EIF2S3B: variants seen among roughly 807,000 people sequenced by gnomAD.
The protein encoded by EIF2S3B is eukaryotic translation initiation factor 2 subunit 3B.
In EIF2S3B, 16 loss-of-function variants were observed where a neutral mutation model predicts 26.4. That is an observed-to-expected ratio of 0.61 (90% CI 0.41 to 0.92). The LOEUF (loss-of-function observed/expected upper bound fraction) is 0.92. Ranked by LOEUF, EIF2S3B falls within the 40% of genes least tolerant of loss-of-function variation. EIF2S3B has a pLI of 0.00. For missense variants in EIF2S3B, 510 were observed against 575.5 expected, an observed-to-expected ratio of 0.89 and a Z score of 1.16; for synonymous variants, 183 against 204.4, an observed-to-expected ratio of 0.90 and a Z score of 0.89.
chr12:10,517,313 T>C lies in EIF2S3B; in HGVS notation c.1309-5290T>C, dbSNP rs1864767661. On this transcript the variant is annotated intron_variant, in intron 1 of 1. Transcript: ENST00000322446. ...AGCCTGTTATTGGTCTATTCAGAGATTCAACTTCTTCCTGGTTTAGTCTTG... is the reference window on the plus strand; with the variant it reads ...AGCCTGTTATTGGTCTATTCAGAGACTCAACTTCTTCCTGGTTTAGTCTTG... Among the ~76,000 whole-genome samples the C allele has an allele frequency of 2.0e-5, 3 of 151,994 alleles. No individual in the cohort carries two copies. The South Asian group carries it at 6.2e-4, about 32-fold the overall frequency.
At chr12:10,522,731 G>T (rs1459617880) in exon 2 of EIF2S3B, 2 of 682,138 alleles carry the variant, frequency 2.9e-6, no homozygotes, top group East Asian at 2.7e-5. Context: ...AAAGACAAAA[G>T]AAAACATGAT....
chr12:10,521,919 C>T (rs1198058335), intron 1 of EIF2S3B, among the ~76,000 whole-genome samples: 2 of 152,146 alleles, frequency 1.3e-5, no homozygotes, highest in Non-Finnish European at 2.9e-5. Flanking sequence ...CCTTGGTATG[C>T]CACAAATTAA....
In EIF2S3B at chr12:10,508,218, C is replaced by T. The variant is rs911753515; in HGVS notation, c.*897C>T. 6.6e-6 allele frequency among the ~76,000 whole-genome samples: 1 copy of T among 152,016 alleles called. No individual in the cohort carries two copies. Among genetic ancestry groups the T allele is most frequent in the African/African-American group, 2.4e-5 (1 of 41,378 alleles). On this transcript the variant is annotated 3_prime_UTR_variant, in exon 1 of 1. Coordinates refer to ENST00000538173, the MANE Select transcript of EIF2S3B (RefSeq NM_001357734.3). Reference sequence around the variant, plus strand: ...GTCCTTTAGAGCATGATTACTTGTTCCCATGGGCAAATAATTTTCTCCCCT... The same window carrying T: ...GTCCTTTAGAGCATGATTACTTGTTTCCATGGGCAAATAATTTTCTCCCCT...
chr12:10,515,789 A>G (rs1277777618), intron 1 of EIF2S3B, among the ~76,000 whole-genome samples: 1 of 151,598 alleles, frequency 6.6e-6, no homozygotes, highest in Non-Finnish European at 1.5e-5. Context: ...ATATACGTAT[A>G]CACACACACA....
At chr12:10,513,511 C>T (rs1206863270), downstream of EIF2S3B, among the ~76,000 whole-genome samples, 2 of 152,162 alleles carry the variant, frequency 1.3e-5, no homozygotes, top group African/African-American at 4.8e-5. Context: ...ATCATTATCC[C>T]ATTAATGGTT....
chr12:10,515,674 T>G (rs1436179019), intron 1 of EIF2S3B, among the ~76,000 whole-genome samples: 3 of 152,020 alleles, frequency 2.0e-5, no homozygotes, highest in African/African-American at 7.2e-5. Context: ...ATTTAAGCAG[T>G]ATTTCAGTAA....
intron 1 of EIF2S3B, among the ~76,000 whole-genome samples, chr12:10,519,138 A>C (rs1864801062): frequency 6.6e-6 from 1 of 152,150 alleles, no homozygotes; most frequent in Admixed American, 6.5e-5. Flanking sequence ...CCAAAACAGC[A>C]TGGTACTGGT....
At chr12:10,522,898 T>C (rs1048632673) in exon 2 of EIF2S3B, 1 of 378,864 alleles carries the variant, frequency 2.6e-6, no homozygotes, top group African/African-American at 2.0e-5. Context: ...TTTATATCAG[T>C]CCAAGTTCTT....
chr12:10,513,359 A>G (rs1864723368), downstream of EIF2S3B, among the ~76,000 whole-genome samples: 2 of 152,202 alleles, frequency 1.3e-5, no homozygotes, highest in South Asian at 4.1e-4. Flanking sequence ...GCTATCAGGC[A>G]TAAATCCCCT....
In EIF2S3B at chr12:10,506,362, G is replaced by C. The variant is rs11548545; in HGVS notation, c.460G>C (p.Ala154Pro). Residue 154 changes from alanine (A) to proline (P), a missense_variant, in exon 1 of 1, where the codon GCA (alanine) becomes CCA (proline). Coordinates refer to ENST00000538173, the MANE Select transcript of EIF2S3B (RefSeq NM_001357734.3). The stretch of plus-strand genomic sequence containing the variant: ...GCTGAACGGTGCAGCAGTGATGGAT[G>C]CAGCTCTTCTGTTGATAGCTGGTAA... ...TMLNGAAVMD[A>P]ALLLIAGNES... The C allele has an allele frequency of 6.2e-7, 1 of 1,614,034 alleles. No homozygotes were observed. The highest frequency in any genetic ancestry group is 1.7e-5 in the Admixed American group (1 of 60,012).
downstream of EIF2S3B, among the ~76,000 whole-genome samples, chr12:10,512,895 A>G (rs559652957): frequency 5.8e-4 from 88 of 152,114 alleles, no homozygotes; most frequent in African/African-American, 2.0e-3. Flanking sequence ...TAATTTTTAG[A>G]CCTTGAGGTG....
chr12:10,507,577 A>G lies in EIF2S3B; in HGVS notation c.*256A>G, dbSNP rs116084014. ...GTTAAGCATTCCCACATAATGTCAAAATTATACATTATGCAGTTTTTTTGT... is the reference window on the plus strand; with the variant it reads ...GTTAAGCATTCCCACATAATGTCAAGATTATACATTATGCAGTTTTTTTGT... On this transcript the variant is annotated 3_prime_UTR_variant, in exon 1 of 1. Coordinates refer to ENST00000538173, the MANE Select transcript of EIF2S3B (RefSeq NM_001357734.3). 2.5e-3 allele frequency: 1,449 copies of G among 578,022 alleles called. 13 individuals carry two copies. Among genetic ancestry groups the G allele is most frequent in the African/African-American group, 0.024 (1,305 of 53,516 alleles). 35.8% of individuals were successfully genotyped at this position (578,022 alleles called of 1,614,324 possible). A position where few individuals can be genotyped will look rare whatever the true frequency, so the allele number is the denominator to read the frequency against.
rs1864655639 is a variant in EIF2S3B, at chr12:10,507,654, T to G, written c.*333T>G. ...TCTGGCTTTGTCACCTAGGCTGGCA[T>G]GTAGTGGCATGATCTGCAATCTCTG... On this transcript the variant is annotated 3_prime_UTR_variant, in exon 1 of 1. Coordinates refer to ENST00000538173, the MANE Select transcript of EIF2S3B (RefSeq NM_001357734.3). 6.6e-6 allele frequency among the ~76,000 whole-genome samples: 1 copy of G among 152,162 alleles called. No individual in the cohort carries two copies. The highest frequency in any genetic ancestry group is 2.1e-4 in the South Asian group (1 of 4,820).
At chr12:10,514,884 G>T (rs1023913925) in intron 1 of EIF2S3B, among the ~76,000 whole-genome samples, 1 of 151,850 alleles carries the variant, frequency 6.6e-6, no homozygotes, top group Admixed American at 6.6e-5. Context: ...CACTTTCTAG[G>T]CTACTCAGAT....
rs1025695908 is a variant in EIF2S3B, at chr12:10,506,116, G to T, written c.214G>T (p.Glu72Ter). The change falls in exon 1 of 1, where the codon GAA becomes TAA. Residue 72 changes from glutamate (E) to a stop codon, truncating the protein, a stop_gained. Transcript: ENST00000538173. LOFTEE classifies it high-confidence loss of function. ...AGTTCACACCGTCAGGTTCAAAAAT[G>T]AACTAGAAAGAAATATTACAATCAA... ...SGVHTVRFKNELERNITIKLG... is the reference protein window; with the variant it reads ...SGVHTVRFKN The T allele has an allele frequency of 6.3e-7, 1 of 1,586,892 alleles. No homozygotes were observed. Among genetic ancestry groups the T allele is most frequent in the East Asian group, 2.2e-5 (1 of 44,764 alleles).
chr12:10,514,033 AAAG>A (rs754306487), intron 1 of EIF2S3B, among the ~76,000 whole-genome samples: 31 of 152,138 alleles, frequency 2.0e-4, no homozygotes, highest in African/African-American at 4.3e-4. Context: ...TAAATAAATA[AAAG>A]AAGAAGAAGA....
At chr12:10,511,754 G>A (rs1443239509), downstream of EIF2S3B, among the ~76,000 whole-genome samples, 2 of 152,218 alleles carry the variant, frequency 1.3e-5, no homozygotes, top group East Asian at 1.9e-4. Context: ...TGGATTCATT[G>A]AAAGCACATG....
downstream of EIF2S3B, among the ~76,000 whole-genome samples, chr12:10,512,753 A>G (rs1864718190): frequency 1.3e-5 from 2 of 152,096 alleles, no homozygotes; most frequent in South Asian, 2.1e-4. Flanking sequence ...TTCCACTTCT[A>G]TTATCATTTT....
rs1864667582 is a variant in EIF2S3B at position 10,508,307 on chromosome 12, C to T, written c.*986C>T. 6.6e-6 allele frequency among the ~76,000 whole-genome samples: 1 copy of T among 152,002 alleles called. No individual in the cohort carries two copies. The highest frequency in any genetic ancestry group is 1.5e-5 in the Non-Finnish European group (1 of 68,002). ...AAGTTATCTCCCTCTCCCTGTGATG[C>T]CTTGAGATGTTTTTCTGCATTGTTT... On this transcript the variant is annotated 3_prime_UTR_variant, in exon 1 of 1. Transcript: ENST00000538173.
Sources: gnomAD v4.1 joint callset for allele counts (sites outside exome capture counted in the v4.1 genomes callset) on GRCh38, gnomAD v4.1.1 for gene constraint, MANE v1.5 for transcripts, NCBI Gene and HGNC (gene_info 2026-07-23, HGNC 2026-07-21) for gene names.